Variants in MARCHF1 observed in about 807,000 individuals in gnomAD.
MARCHF1 encodes the protein membrane associated ring-CH-type finger 1.
In MARCHF1, 40 loss-of-function variants were observed where a neutral mutation model predicts 54.2. The ratio of observed to expected loss-of-function variants is 0.74; its 90% CI spans 0.57 to 0.96. The LOEUF (loss-of-function observed/expected upper bound fraction) is 0.96, where lower values mean the gene tolerates loss of function less well. MARCHF1 is among the 40% of genes least tolerant of loss of function. The pLI, the probability that MARCHF1 is intolerant of heterozygous loss-of-function variation, is 0.00. For synonymous variants in MARCHF1, 236 were observed against 236.3 expected (o/e 1.00, Z 0.01); for missense variants, 586 against 656.5 (o/e 0.89, Z 1.17).
At chr4:163,839,829 C>G (rs1198532994) in intron 4 of MARCHF1, among the ~76,000 whole-genome samples, 1 of 151,940 alleles carries the variant, frequency 6.6e-6, no homozygotes, top group African/African-American at 2.4e-5. Context: ...ATATTAAAAC[C>G]ACTGAAATGT....
chr4:164,164,412 T>C (rs1730316968), intron 1 of MARCHF1, among the ~76,000 whole-genome samples: 1 of 151,904 alleles, frequency 6.6e-6, no homozygotes, highest in Non-Finnish European at 1.5e-5. Context: ...CATAAGACAC[T>C]ACATATATTA....
At chr4:163,697,035 G>A (rs1220181848) in intron 5 of MARCHF1, among the ~76,000 whole-genome samples, 2 of 152,114 alleles carry the variant, frequency 1.3e-5, no homozygotes, top group Non-Finnish European at 2.9e-5. Context: ...AAAAGGCACA[G>A]GGAGTGATGG....
At chr4:163,949,587 G>A (rs1402409165) in intron 3 of MARCHF1, among the ~76,000 whole-genome samples, 2 of 152,232 alleles carry the variant, frequency 1.3e-5, no homozygotes, top group African/African-American at 2.4e-5. Flanking sequence ...CAGACAAGTG[G>A]AGGGTAAGCA....
chr4:163,835,124 C>A (rs1057487556), intron 4 of MARCHF1, among the ~76,000 whole-genome samples: 1 of 152,118 alleles, frequency 6.6e-6, no homozygotes, highest in African/African-American at 2.4e-5. Flanking sequence ...CTTAAGTGAT[C>A]CTTCCACTCA....
At chr4:164,094,329 G>A (rs1385507054) in intron 2 of MARCHF1, among the ~76,000 whole-genome samples, 1 of 152,168 alleles carries the variant, frequency 6.6e-6, no homozygotes, top group Non-Finnish European at 1.5e-5. Flanking sequence ...AGCAATACAG[G>A]TACAGGTCAA....
At chr4:164,376,324 CTTCT>C (rs1055814751) in intron 1 of MARCHF1, among the ~76,000 whole-genome samples, 2 of 152,124 alleles carry the variant, frequency 1.3e-5, no homozygotes, top group Non-Finnish European at 2.9e-5. Flanking sequence ...CATGTTTTAT[CTTCT>C]TTCTTTTTTT....
chr4:163,552,950 T>G (rs113737286), intron 8 of MARCHF1, among the ~76,000 whole-genome samples: 5,967 of 150,976 alleles, frequency 0.04, 151 homozygotes, highest in South Asian at 0.073. Flanking sequence ...GGAGAATGGC[T>G]TGAACCCGGG....
chr4:164,061,753 T>G (rs955141101), intron 2 of MARCHF1, among the ~76,000 whole-genome samples: 1 of 152,096 alleles, frequency 6.6e-6, no homozygotes, highest in African/African-American at 2.4e-5. Flanking sequence ...TATCTAAAAA[T>G]GTACATACTT....
At chr4:163,822,806 G>C (rs1415991248) in intron 4 of MARCHF1, among the ~76,000 whole-genome samples, 1 of 151,698 alleles carries the variant, frequency 6.6e-6, no homozygotes. Context: ...TGATCTATTG[G>C]AAAACCAGGA....
At chr4:164,335,157 C>T (rs1474019307) in intron 1 of MARCHF1, among the ~76,000 whole-genome samples, 2 of 152,082 alleles carry the variant, frequency 1.3e-5, no homozygotes, top group African/African-American at 2.4e-5. Context: ...AAGGCAGTGG[C>T]AGGGTTTGAG....
intron 4 of MARCHF1, among the ~76,000 whole-genome samples, chr4:163,827,203 C>G (rs894404454): frequency 2.0e-5 from 3 of 151,892 alleles, no homozygotes; most frequent in Admixed American, 2.0e-4. Flanking sequence ...TACATTTGAA[C>G]CTCTCTGAAA....
intron 3 of MARCHF1, among the ~76,000 whole-genome samples, chr4:163,943,963 C>CT (rs574358464): frequency 4.6e-5 from 7 of 150,914 alleles, no homozygotes; most frequent in African/African-American, 1.2e-4. Flanking sequence ...CAGAAAAATG[C>CT]TTTTTTTTGT....
At chr4:164,048,417 AT>A (rs1171197385) in intron 2 of MARCHF1, among the ~76,000 whole-genome samples, 1 of 152,176 alleles carries the variant, frequency 6.6e-6, no homozygotes, top group Admixed American at 6.5e-5. Context: ...TTACATCAGA[AT>A]CATCTGAATC....
intron 4 of MARCHF1, among the ~76,000 whole-genome samples, chr4:163,708,696 C>A (rs12505277): frequency 0.42 from 63,577 of 151,916 alleles, 14,171 homozygotes; most frequent in Non-Finnish European, 0.51. Flanking sequence ...ATGCAGTAGT[C>A]TATGACTATA....
At chr4:164,210,347 G>T (rs1404893051) in intron 1 of MARCHF1, among the ~76,000 whole-genome samples, 1 of 152,104 alleles carries the variant, frequency 6.6e-6, no homozygotes, top group African/African-American at 2.4e-5. Flanking sequence ...GCAGAACAGA[G>T]ATATCAAAGA....
intron 2 of MARCHF1, among the ~76,000 whole-genome samples, chr4:164,049,772 C>G (rs1171720405): frequency 6.6e-6 from 1 of 152,166 alleles, no homozygotes; most frequent in Non-Finnish European, 1.5e-5. Flanking sequence ...TGTATACACA[C>G]ACATTTGAGA....
At chr4:164,163,550 G>A (rs1407652222) in intron 1 of MARCHF1, among the ~76,000 whole-genome samples, 3 of 151,636 alleles carry the variant, frequency 2.0e-5, no homozygotes, top group Non-Finnish European at 4.4e-5. Flanking sequence ...GAAAGCAAGA[G>A]ACAATTAATA....
chr4:163,678,989 A>G (rs1436885645), intron 5 of MARCHF1, among the ~76,000 whole-genome samples: 1 of 152,140 alleles, frequency 6.6e-6, no homozygotes, highest in Non-Finnish European at 1.5e-5. Context: ...AACTAACGAG[A>G]TGTATACTTT....
intron 1 of MARCHF1, among the ~76,000 whole-genome samples, chr4:164,196,768 TA>T (rs1251201918): frequency 1.3e-5 from 2 of 152,126 alleles, no homozygotes; most frequent in Non-Finnish European, 2.9e-5. Flanking sequence ...AATATTATTT[TA>T]TTTGGCAGTA....
Sources: gnomAD v4.1 joint callset for allele counts (sites outside exome capture counted in the v4.1 genomes callset) on GRCh38, gnomAD v4.1.1 for gene constraint, MANE v1.5 for transcripts, NCBI Gene and HGNC (gene_info 2026-07-23, HGNC 2026-07-21) for gene names.